BORCS5: variants seen among roughly 807,000 people sequenced by gnomAD.
BORCS5 encodes the protein BLOC-1 related complex subunit 5.
In BORCS5, 17 loss-of-function variants were observed where a neutral mutation model predicts 22.1. That is an observed-to-expected ratio of 0.77 (90% CI 0.53 to 1.15). The LOEUF is 1.15. Ranked by LOEUF, BORCS5 falls within the 50% of genes most tolerant of loss-of-function variation. The probability of loss-of-function intolerance (pLI) is 0.00; values close to 1 mark genes in which losing one functional copy is unlikely to be tolerated. For missense variants in BORCS5, 247 were observed against 253.2 expected (o/e 0.98, Z 0.17); for synonymous variants, 117 against 99.8 (o/e 1.17, Z -1.03).
At chr12:12,456,751 G>A (rs946343462) in intron 3 of BORCS5, among the ~76,000 whole-genome samples, 7 of 151,946 alleles carry the variant, frequency 4.6e-5, no homozygotes, top group African/African-American at 1.7e-4. Flanking sequence ...AATGATTTCA[G>A]TTATTACGTA....
chr12:12,415,801 G>A (rs1276657541), intron 2 of BORCS5, among the ~76,000 whole-genome samples: 1 of 151,992 alleles, frequency 6.6e-6, no homozygotes, highest in Admixed American at 6.6e-5. Context: ...TTCTTGTAGT[G>A]TTTTTGTCTT....
intron 2 of BORCS5, among the ~76,000 whole-genome samples, chr12:12,378,501 T>C (rs945756311): frequency 6.6e-6 from 1 of 152,182 alleles, no homozygotes; most frequent in African/African-American, 2.4e-5. Flanking sequence ...GTAATATTAT[T>C]AAATGAGGAA....
Position 12,465,816 on chromosome 12 carries a change from C to G in BORCS5, c.*40C>G, listed in dbSNP as rs367596619. The G allele has an allele frequency of 6.5e-7, 1 of 1,539,246 alleles. No individual in the cohort carries two copies. Among genetic ancestry groups the G allele is most frequent in the Admixed American group, 1.7e-5 (1 of 57,598 alleles). ...GCCTGGGGCTGGGAGCCCCAGACAC[C>G]GACACCCTGAGGACGTGTGGAGCTA... On this transcript the variant is annotated 3_prime_UTR_variant, in exon 4 of 4. Transcript: ENST00000314565.
intron 2 of BORCS5, among the ~76,000 whole-genome samples, chr12:12,380,590 A>G (rs557848664): frequency 1.3e-5 from 2 of 151,522 alleles, no homozygotes; most frequent in African/African-American, 4.8e-5. Context: ...CTTTGTGACC[A>G]TGTGTTCATG....
chr12:12,458,873 G>C (rs916564505), intron 3 of BORCS5, among the ~76,000 whole-genome samples: 21 of 151,268 alleles, frequency 1.4e-4, no homozygotes, highest in African/African-American at 4.1e-4. Flanking sequence ...TCGGGAGGCT[G>C]AGGCAGGAGA....
chr12:12,413,243 GTGTCCCTGGGTACT>G (rs1157635670), intron 2 of BORCS5, among the ~76,000 whole-genome samples: 2 of 103,956 alleles, frequency 1.9e-5, no homozygotes, highest in Non-Finnish European at 4.0e-5. Flanking sequence ...CGCAGTGTTT[GTGTCCCTGGGTACT>G]TAAGATTAGG....
intron 3 of BORCS5, chr12:12,452,311 C>G: frequency 1.4e-6 from 1 of 705,736 alleles, no homozygotes; most frequent in East Asian, 3.4e-5. Flanking sequence ...AATACCATTC[C>G]CCCATCATCA....
chr12:12,447,033 C>A (rs1170487994), intron 3 of BORCS5, among the ~76,000 whole-genome samples: 1 of 152,122 alleles, frequency 6.6e-6, no homozygotes, highest in African/African-American at 2.4e-5. Flanking sequence ...CTTCCTGTAT[C>A]CCAAAGTCCC....
chr12:12,461,515 C>T (rs939667641), intron 3 of BORCS5, among the ~76,000 whole-genome samples: 2 of 152,102 alleles, frequency 1.3e-5, no homozygotes, highest in Admixed American at 6.6e-5. Flanking sequence ...ACTAGTGTTA[C>T]AGAAACCCCA....
chr12:12,373,564 C>T (rs1269393907), intron 2 of BORCS5, among the ~76,000 whole-genome samples: 2 of 151,844 alleles, frequency 1.3e-5, no homozygotes, highest in Admixed American at 6.6e-5. Flanking sequence ...GGCAGAAATC[C>T]TTAAAAAAAT....
At chr12:12,399,239 C>T (rs1159880372) in intron 2 of BORCS5, among the ~76,000 whole-genome samples, 1 of 151,910 alleles carries the variant, frequency 6.6e-6, no homozygotes, top group East Asian at 1.9e-4. Context: ...ATTCACTCCT[C>T]AGAGTGAATT....
At chr12:12,401,848 G>A (rs11054882) in intron 2 of BORCS5, among the ~76,000 whole-genome samples, 1 of 151,834 alleles carries the variant, frequency 6.6e-6, no homozygotes, top group Non-Finnish European at 1.5e-5. Context: ...CACGAGGTCA[G>A]AAGATCGAGA....
At chr12:12,463,038 T>C (rs1943139299) in intron 3 of BORCS5, among the ~76,000 whole-genome samples, 1 of 152,174 alleles carries the variant, frequency 6.6e-6, no homozygotes, top group African/African-American at 2.4e-5. Flanking sequence ...ACAATTAGTA[T>C]ATATGTTATC....
intron 2 of BORCS5, among the ~76,000 whole-genome samples, chr12:12,365,060 G>A (rs994189518): frequency 6.6e-6 from 1 of 152,238 alleles, no homozygotes; most frequent in African/African-American, 2.4e-5. Flanking sequence ...ATTGATAAAT[G>A]AGTTTTAACT....
At chr12:12,385,469 C>A (rs1464315966) in intron 2 of BORCS5, among the ~76,000 whole-genome samples, 1 of 151,334 alleles carries the variant, frequency 6.6e-6, no homozygotes, top group Admixed American at 6.6e-5. Context: ...TTGGGAGAAG[C>A]CTCACATCTC....
At chr12:12,430,670 A>G (rs572436289) in intron 2 of BORCS5, among the ~76,000 whole-genome samples, 2 of 152,302 alleles carry the variant, frequency 1.3e-5, no homozygotes, top group South Asian at 2.1e-4. Flanking sequence ...GGTTAAAAAA[A>G]GTTCTGTTAA....
Position 12,467,274 on chromosome 12 carries a change from G to A in BORCS5, c.*1498G>A, listed in dbSNP as rs751089730. On this transcript the variant is annotated 3_prime_UTR_variant, in exon 4 of 4. Coordinates refer to ENST00000314565, the MANE Select transcript of BORCS5 (RefSeq NM_058169.6). ...ACAGGGATATGTTTGTAGCTTCGAG[G>A]AATGAAGGGCTGTTTACAGAGCTAC... is the stretch of plus-strand genomic sequence containing the variant. 6.6e-6 allele frequency: 1 copy of A among 152,212 alleles called. No homozygotes were observed. Among genetic ancestry groups the A allele is most frequent in the Non-Finnish European group, 1.5e-5 (1 of 68,046 alleles). The allele number at this position is 152,212 out of a possible 1,614,324, so 9.4% of individuals were successfully genotyped here.
intron 2 of BORCS5, among the ~76,000 whole-genome samples, chr12:12,412,925 T>A (rs12814617): frequency 0.057 from 6,264 of 110,198 alleles, 125 homozygotes; most frequent in Non-Finnish European, 0.092. Flanking sequence ...TTTTTTTTTT[T>A]ATTGATAATT....
chr12:12,425,441 C>T (rs1167303014), intron 2 of BORCS5, among the ~76,000 whole-genome samples: 1 of 152,164 alleles, frequency 6.6e-6, no homozygotes, highest in Admixed American at 6.6e-5. Context: ...CCAGCAGGTG[C>T]ACCATTTTAC....
Sources: gnomAD v4.1 joint callset for allele counts (sites outside exome capture counted in the v4.1 genomes callset) on GRCh38, gnomAD v4.1.1 for gene constraint, MANE v1.5 for transcripts, NCBI Gene and HGNC (gene_info 2026-07-23, HGNC 2026-07-21) for gene names.